CSDE1: variants seen among roughly 807,000 people sequenced by gnomAD.
CSDE1 encodes the protein cold shock domain-containing protein E1.
In CSDE1, 17 loss-of-function variants were observed where a neutral mutation model predicts 89.3. That is an observed-to-expected ratio of 0.19 (90% confidence interval 0.13 to 0.29). The LOEUF is 0.29. CSDE1 is among the 10% of genes least tolerant of loss of function. CSDE1 has a pLI of 1.00. For missense variants in CSDE1, 672 were observed against 984.2 expected (o/e 0.68, Z 4.24); for synonymous variants, 322 against 332.8 (o/e 0.97, Z 0.35).
intron 1 of CSDE1, among the ~76,000 whole-genome samples, chr1:114,754,910 G>C (rs1271278311): frequency 3.3e-5 from 5 of 152,178 alleles, no homozygotes; most frequent in African/African-American, 1.2e-4. Flanking sequence ...GGCAGTGTGG[G>C]AAGATGCTGA....
intron 2 of CSDE1, among the ~76,000 whole-genome samples, chr1:114,745,053 T>C (rs1044010625): frequency 1.3e-5 from 2 of 152,118 alleles, no homozygotes; most frequent in African/African-American, 4.8e-5. Context: ...AGCAAATTAA[T>C]ACTTTCATAT....
At chr1:114,719,785 C>G (rs770469620) in intron 17 of CSDE1, 43 bp from the exon 18 acceptor site, 1 of 1,575,046 alleles carries the variant, frequency 6.3e-7, no homozygotes, top group East Asian at 2.2e-5. Context: ...CATGCCACAC[C>G]TCACTCTGAA....
intron 19 of CSDE1, 60 bp downstream of exon 19, chr1:114,718,553 A>G: frequency 6.3e-7 from 1 of 1,576,588 alleles, no homozygotes; most frequent in Non-Finnish European, 8.6e-7. Context: ...TTTAAATAGG[A>G]CCACATATTT....
intron 19 of CSDE1, 45 bp from the exon 20 acceptor site, chr1:114,718,261 C>G (rs373120787): frequency 6.3e-7 from 1 of 1,582,554 alleles, no homozygotes; most frequent in East Asian, 2.2e-5. Context: ...ATGATTTGAG[C>G]GCACAACAAT....
intron 15 of CSDE1, 123 bp downstream of exon 15, chr1:114,725,098 G>T: frequency 1.3e-6 from 1 of 767,988 alleles, no homozygotes; most frequent in Non-Finnish European, 2.3e-6. Flanking sequence ...TGATGCTGCT[G>T]TTCTATGGAA....
intron 17 of CSDE1, 102 bp downstream of exon 17, chr1:114,720,437 C>A (rs1159736937): frequency 8.8e-7 from 1 of 1,141,370 alleles, no homozygotes; most frequent in Non-Finnish European, 1.2e-6. Context: ...AATAAAAAAA[C>A]GAATGAATGT....
chr1:114,742,193 C>G (rs1362216694), intron 2 of CSDE1, among the ~76,000 whole-genome samples: 1 of 152,186 alleles, frequency 6.6e-6, no homozygotes, highest in East Asian at 1.9e-4. Flanking sequence ...CCAAAAGAGG[C>G]CAACAGTGAA....
In CSDE1 at chr1:114,739,822, T is replaced by C. The variant is rs781441784; in HGVS notation, c.69A>G (p.Ala23=). 4.4e-5 allele frequency: 71 copies of C among 1,613,966 alleles called. No homozygotes were observed. Among genetic ancestry groups the C allele is most frequent in the Non-Finnish European group, 5.8e-5 (68 of 1,179,964 alleles). Residue 23 remains alanine (A), a synonymous_variant, in exon 3 of 20, where the codon GCA becomes GCG. Transcript: ENST00000358528. The part of the protein sequence containing the change: ...HNGYPNGTSA[A]LRETGVIEKL... ...TTTCAATAACCCCAGTTTCACGCAG[T>C]GCTGCTGAAGTACCATTAGGGTACC...
At chr1:114,720,771 G>C (rs1202768096) in intron 16 of CSDE1, 54 bp from the exon 17 acceptor site, 1 of 1,522,310 alleles carries the variant, frequency 6.6e-7, no homozygotes, top group Non-Finnish European at 9.0e-7. Context: ...GTCCTCTGCT[G>C]ATGACCCTAG....
intron 1 of CSDE1, among the ~76,000 whole-genome samples, chr1:114,756,156 A>G (rs1661585942): frequency 6.6e-6 from 1 of 152,206 alleles, no homozygotes. Flanking sequence ...ACACTCGCTA[A>G]AGGTCACACT....
At chr1:114,741,639 G>T in intron 2 of CSDE1, 1 of 1,546,982 alleles carries the variant, frequency 6.5e-7, no homozygotes, top group South Asian at 1.2e-5. Context: ...ATGAGGATCT[G>T]ATGACACAGT....
intron 4 of CSDE1, 33 bp from the exon 5 acceptor site, chr1:114,737,596 T>C: frequency 6.6e-7 from 1 of 1,519,454 alleles, no homozygotes; most frequent in Non-Finnish European, 9.1e-7. Context: ...TTTCCATTGC[T>C]AATCATTTCA....
At chr1:114,744,553 G>C (rs556408950) in intron 2 of CSDE1, among the ~76,000 whole-genome samples, 1 of 152,236 alleles carries the variant, frequency 6.6e-6, no homozygotes, top group African/African-American at 2.4e-5. Flanking sequence ...GGGTGACAGA[G>C]TGAGACCCTG....
At chr1:114,718,510 T>C in intron 19 of CSDE1, 103 bp downstream of exon 19, 3 of 1,443,302 alleles carry the variant, frequency 2.1e-6, no homozygotes, top group Middle Eastern at 2.5e-4. Flanking sequence ...AATATGGAAG[T>C]CTCCCTGCTT....
At chr1:114,747,695 T>C (rs1324019624) in intron 2 of CSDE1, among the ~76,000 whole-genome samples, 1 of 151,962 alleles carries the variant, frequency 6.6e-6, no homozygotes, top group East Asian at 1.9e-4. Context: ...CCGTCTCTAC[T>C]AAAAATACAA....
intron 2 of CSDE1, among the ~76,000 whole-genome samples, chr1:114,743,816 T>C (rs1338587992): frequency 1.3e-5 from 2 of 152,080 alleles, no homozygotes; most frequent in Admixed American, 1.3e-4. Flanking sequence ...GCCTTCCCCT[T>C]CTCCCAGAAT....
In CSDE1 at chr1:114,718,191, C is replaced by T. The variant is rs375339756; in HGVS notation, c.2375G>A (p.Arg792His). ...TGGTTAGTCAATGACACCAGCTTGA[C>T]GGATCTTTCTTTCTGCACCAAACCC... ...SMGFGAERKI[R>H]QAGVID Residue 792 changes from arginine (R) to histidine (H), a missense_variant, in exon 20 of 20, where the codon CGT becomes CAT. Coordinates refer to ENST00000358528, the MANE Select transcript of CSDE1 (RefSeq NM_001007553.3). 5.6e-6 allele frequency: 9 copies of T among 1,613,636 alleles called. No homozygotes were observed. Among genetic ancestry groups the T allele is most frequent in the East Asian group, 2.2e-5 (1 of 44,882 alleles).
intron 1 of CSDE1, among the ~76,000 whole-genome samples, chr1:114,754,705 T>C (rs936050680): frequency 1.3e-5 from 2 of 152,212 alleles, no homozygotes; most frequent in Non-Finnish European, 2.9e-5. Context: ...CGATAAACTC[T>C]AGATAATTAA....
intron 1 of CSDE1, among the ~76,000 whole-genome samples, chr1:114,751,780 T>C (rs760649380): frequency 1.3e-5 from 2 of 152,118 alleles, no homozygotes; most frequent in African/African-American, 2.4e-5. Context: ...TCTTTAACTA[T>C]CTTGATTCTT....
Sources: allele counts gnomAD v4.1 joint callset (sites outside exome capture counted in the v4.1 genomes callset), GRCh38; gene constraint gnomAD v4.1.1; transcripts MANE v1.5; gene names NCBI Gene and HGNC (gene_info 2026-07-23, HGNC 2026-07-21).